DIS3L: variants seen among roughly 807,000 people sequenced by gnomAD.
DIS3L encodes DIS3-like exonuclease 1.
A neutral mutation model predicts 120.3 loss-of-function variants in DIS3L; 100 were observed. The ratio of observed to expected loss-of-function variants is 0.83; its 90% CI spans 0.71 to 0.98. The LOEUF is 0.98. DIS3L is among the 50% of genes least tolerant of loss of function. The pLI, the probability that DIS3L is intolerant of heterozygous loss-of-function variation, is 0.00. For missense variants in DIS3L, 1,196 were observed against 1,314.2 expected (o/e 0.91, Z 1.39); for synonymous variants, 426 against 470.6 (o/e 0.91, Z 1.23).
At chr15:66,322,608 C>T (rs1397538382) in intron 9 of DIS3L, 79 bp from the exon 10 acceptor site, 1 of 1,566,116 alleles carries the variant, frequency 6.4e-7, no homozygotes, top group Non-Finnish European at 8.7e-7. Context: ...TCTATGTGGT[C>T]ATACTGAGAA....
At chr15:66,293,358 C>A, upstream of DIS3L, 1 of 617,952 alleles carries the variant, frequency 1.6e-6, no homozygotes, top group Non-Finnish European at 2.2e-6. Context: ...GTCTTCCCTC[C>A]GTCTCTGGGG....
intron 2 of DIS3L, 53 bp from the exon 3 acceptor site, chr15:66,306,771 G>C (rs891213806): frequency 2.7e-5 from 43 of 1,607,038 alleles, no homozygotes; most frequent in Non-Finnish European, 3.7e-5. Context: ...GCAAGAGATA[G>C]CAGTGGATGA....
chr15:66,306,664 A>G (rs1427025297), intron 2 of DIS3L, 160 bp from the exon 3 acceptor site: 10 of 969,720 alleles, frequency 1.0e-5, no homozygotes, highest in East Asian at 2.9e-5. Context: ...GCAGCCCGAT[A>G]GGACTGAGCA....
rs2092616826 is a variant in DIS3L at position 66,298,785 on chromosome 15, T to G, written c.293+3644T>G. On this transcript the variant is annotated intron_variant, in intron 2 of 16. Coordinates refer to ENST00000319212, the MANE Select transcript of DIS3L (RefSeq NM_001143688.3). ...CTCTGTAAGGCTGTTTTGTCCACCA[T>G]GTTCATGTGTTCACATGTGTGTTGG... 2.6e-5 allele frequency among the ~76,000 whole-genome samples: 4 copies of G among 152,254 alleles called. No homozygotes were observed. In the South Asian group the frequency reaches 8.3e-4, roughly 31 times the overall value.
chr15:66,332,141 GT>G, intron 15 of DIS3L, 121 bp downstream of exon 15: 2 of 1,019,074 alleles, frequency 2.0e-6, no homozygotes, highest in Non-Finnish European at 2.7e-6. Flanking sequence ...TGTACATAAT[GT>G]AATGTATAAT....
At position 66,293,610 on chromosome 15, in the gene DIS3L, G is replaced by C; in HGVS notation, c.14G>C (p.Arg5Pro). The change falls in exon 1 of 17, where the codon CGG (arginine) becomes CCG (proline). Residue 5 changes from arginine (R) to proline (P), a missense_variant. Physicochemically the swap from Arg to Pro is moderately radical, Grantham distance 103 (BLOSUM62 -2). Transcript: ENST00000319212. ...AGACACGCCGCCATGCTGCAGAAGC[G>C]GGAGAAGGTGCTGCTGCTGAGGACC... MLQKREKVLLLRTFQ... is the reference protein window; with the variant it reads MLQKPEKVLLLRTFQ... The C allele has an allele frequency of 1.4e-6, 2 of 1,443,672 alleles. No individual in the cohort carries two copies. Among genetic ancestry groups the C allele is most frequent in the South Asian group, 1.3e-5 (1 of 76,810 alleles). 89.4% of individuals were successfully genotyped at this position (1,443,672 alleles called of 1,614,324 possible).
chr15:66,295,212 A>T, intron 2 of DIS3L, 71 bp downstream of exon 2: 1 of 1,443,710 alleles, frequency 6.9e-7, no homozygotes, highest in Non-Finnish European at 9.4e-7. Context: ...CCCTTGTCGG[A>T]GGGGGATGGG....
chr15:66,309,094 A>AAAAAAAAAAAAAAAAAAATAT lies in DIS3L; in HGVS notation c.558+251_558+252insAAAAAAAAAAAAAAAAATATA. ...CTTGTCTCTACAGAAAAAAAAAAAA[A>AAAAAAAAAAAAAAAAAAATAT]ATATATATATCTCCAAGCATGGTGG... On this transcript the variant is annotated intron_variant, in intron 4 of 16. Transcript: ENST00000319212. Among the ~76,000 whole-genome samples the AAAAAAAAAAAAAAAAAAATAT allele has an allele frequency of 1.3e-4, 2 of 15,316 alleles. 1 individual carries two copies. Among genetic ancestry groups the AAAAAAAAAAAAAAAAAAATAT allele is most frequent in the African/African-American group, 3.9e-4 (2 of 5,124 alleles). The allele number at this position is 15,316 out of a possible 152,430, so 10.0% of individuals were successfully genotyped here. A position where few individuals can be genotyped will look rare whatever the true frequency, so the allele number is the denominator to read the frequency against.
intron 3 of DIS3L, among the ~76,000 whole-genome samples, chr15:66,307,440 G>A (rs1168786112): frequency 6.6e-6 from 1 of 151,996 alleles, no homozygotes; most frequent in Non-Finnish European, 1.5e-5. Context: ...GGGAACATAG[G>A]CCAAGTAGCT....
At chr15:66,307,177 A>G (rs1445883695) in intron 3 of DIS3L, among the ~76,000 whole-genome samples, 2 of 152,236 alleles carry the variant, frequency 1.3e-5, no homozygotes, top group Non-Finnish European at 2.9e-5. Flanking sequence ...ATAGGTACCC[A>G]GAATATGTTT....
At chr15:66,298,716 A>G (rs1218860407) in intron 2 of DIS3L, among the ~76,000 whole-genome samples, 1 of 152,240 alleles carries the variant, frequency 6.6e-6, no homozygotes, top group Non-Finnish European at 1.5e-5. Flanking sequence ...GCCATCTAAT[A>G]ATCTTCAAAT....
At chr15:66,332,456 C>CAA (rs369684200) in intron 15 of DIS3L, among the ~76,000 whole-genome samples, 172 of 78,404 alleles carry the variant, frequency 2.2e-3, no homozygotes, top group African/African-American at 7.3e-3. Context: ...GACTCTGTCT[C>CAA]AAAAAAAAAA....
chr15:66,329,609 A>C, intron 14 of DIS3L: 1 of 1,266,188 alleles, frequency 7.9e-7, no homozygotes, highest in Non-Finnish European at 1.0e-6. Flanking sequence ...TTTTTTTCCG[A>C]AAGGTGGAAA....
intron 12 of DIS3L, among the ~76,000 whole-genome samples, chr15:66,327,330 A>T (rs371367684): frequency 4.6e-5 from 7 of 152,350 alleles, no homozygotes; most frequent in Admixed American, 2.0e-4. Flanking sequence ...TATTTATTTC[A>T]GTACTTTTAA....
chr15:66,332,921 G>A lies in DIS3L; in HGVS notation c.2856+11G>A, dbSNP rs1166166696. On this transcript the variant is annotated intron_variant, in intron 16 of 16. Transcript: ENST00000319212. ...TTTGACCATGTAACCGTAAGTCTGT[G>A]TTTCTATTAAGTATTATTAATATTT... The A allele has an allele frequency of 6.2e-6, 10 of 1,602,742 alleles. No homozygotes were observed. The highest frequency in any genetic ancestry group is 1.3e-5 in the African/African-American group (1 of 74,270).
chr15:66,326,843 A>T (rs1017512740), intron 12 of DIS3L, among the ~76,000 whole-genome samples: 4 of 151,590 alleles, frequency 2.6e-5, no homozygotes, highest in African/African-American at 9.7e-5. Context: ...CGGCCTCCCA[A>T]ACTGCTGGGA....
chr15:66,293,786 C>T, intron 1 of DIS3L, 51 bp downstream of exon 1: 13 of 1,130,836 alleles, frequency 1.1e-5, no homozygotes, highest in Non-Finnish European at 1.4e-5. Flanking sequence ...CGGGCGGCCG[C>T]AGTGAGGGGC....
At chr15:66,330,309 C>T (rs777051798) in intron 14 of DIS3L, 181 of 984,692 alleles carry the variant, frequency 1.8e-4, no homozygotes, top group Non-Finnish European at 2.1e-4. Context: ...AAAAAAAAAT[C>T]ACACCGTGCC....
At chr15:66,330,872 AG>A in intron 14 of DIS3L, among the ~76,000 whole-genome samples, 1 of 152,332 alleles carries the variant, frequency 6.6e-6, no homozygotes, top group East Asian at 1.9e-4. Context: ...TGAAACTGAT[AG>A]GTCAGGTGCA....
Sources: gnomAD v4.1 joint callset for allele counts (sites outside exome capture counted in the v4.1 genomes callset) on GRCh38, gnomAD v4.1.1 for gene constraint, MANE v1.5 for transcripts, NCBI Gene and HGNC (gene_info 2026-07-23, HGNC 2026-07-21) for gene names.